RPH3AL: variants seen among roughly 807,000 people sequenced by gnomAD.
The protein encoded by RPH3AL is rab effector Noc2.
RPH3AL carries 38 observed loss-of-function variants against 43.1 expected under a neutral mutation model. The observed-to-expected ratio is 0.88, with a 90% CI of 0.68 to 1.15. The LOEUF is 1.15. Among genes scored for constraint, RPH3AL ranks in the 50% most tolerant of loss-of-function variants. The pLI is 0.00. For synonymous variants in RPH3AL, 189 were observed against 176.3 expected, an observed-to-expected ratio of 1.07 and a Z score of -0.57; for missense variants, 462 against 423.2, an observed-to-expected ratio of 1.09 and a Z score of -0.81.
chr17:242,570 G>GATT (rs2041578374), intron 7 of RPH3AL, among the ~76,000 whole-genome samples: 1 of 115,432 alleles, frequency 8.7e-6, no homozygotes, highest in Non-Finnish European at 1.8e-5. Context: ...TTCCTCTATT[G>GATT]ACTACCTTCC....
intron 6 of RPH3AL, among the ~76,000 whole-genome samples, chr17:267,982 G>T (rs950005695): frequency 6.6e-6 from 1 of 152,200 alleles, no homozygotes; most frequent in African/African-American, 2.4e-5. Context: ...GGTGCTGGAT[G>T]TGAGAAGCTC....
intron 7 of RPH3AL, among the ~76,000 whole-genome samples, chr17:235,035 G>A (rs946447570): frequency 5.9e-5 from 9 of 152,218 alleles, no homozygotes; most frequent in Admixed American, 3.9e-4. Context: ...ACGGAAAAAC[G>A]GCAGCCACAG....
intron 5 of RPH3AL, among the ~76,000 whole-genome samples, chr17:300,645 G>A (rs1320080169): frequency 7.2e-6 from 1 of 138,760 alleles, no homozygotes; most frequent in Non-Finnish European, 1.5e-5. Flanking sequence ...ACTCTAGAAG[G>A]GGCTGGCCCA....
At chr17:259,785 A>G (rs2042157169) in intron 6 of RPH3AL, among the ~76,000 whole-genome samples, 2 of 152,242 alleles carry the variant, frequency 1.3e-5, no homozygotes, top group African/African-American at 4.8e-5. Flanking sequence ...CTCCGCTTCC[A>G]GGTTTGCATT....
Position 213,971 on chromosome 17 carries a change from C to A in RPH3AL, c.877-48G>T, listed in dbSNP as rs375170341. 7.7e-6 allele frequency: 11 copies of A among 1,426,228 alleles called. No homozygotes were observed. In the African/African-American group the frequency reaches 9.9e-5, roughly 13 times the overall value. The allele number at this position is 1,426,228 out of a possible 1,614,324, so 88.3% of individuals were successfully genotyped here. A position where few individuals can be genotyped will look rare whatever the true frequency, so the allele number is the denominator to read the frequency against. ...CCACATGGTGAGCAGCGGTGGAGTCCCTCCCTCCCCGGTGACAGCTCGGCC... is the reference window on the plus strand; with the variant it reads ...CCACATGGTGAGCAGCGGTGGAGTCACTCCCTCCCCGGTGACAGCTCGGCC... On this transcript the variant is annotated intron_variant, in intron 9 of 9. Transcript: ENST00000331302.
Position 346,724 on chromosome 17 carries a change from T to G in RPH3AL, c.-213+5988A>C. 1.5e-5 allele frequency among the ~76,000 whole-genome samples: 2 copies of G among 135,440 alleles called. 1 individual carries two copies. Among genetic ancestry groups the G allele is most frequent in the African/African-American group, 5.1e-5 (2 of 39,388 alleles). The allele number at this position is 135,440 out of a possible 152,430, so 88.9% of individuals were successfully genotyped here. A position where few individuals can be genotyped will look rare whatever the true frequency, so the allele number is the denominator to read the frequency against. The stretch of plus-strand genomic sequence containing the variant: ...GATAAGTCAGAGACAATAAATAAGA[T>G]TATAAATAGAAAAACACTATTTTGT... On this transcript the variant is annotated intron_variant, in intron 1 of 9. Coordinates refer to ENST00000331302, the MANE Select transcript of RPH3AL (RefSeq NM_006987.4).
Position 274,169 on chromosome 17 carries a change from C to T in RPH3AL, c.438+7599G>A, listed in dbSNP as rs1004921879. Among the ~76,000 whole-genome samples the T allele has an allele frequency of 2.0e-5, 3 of 152,348 alleles. No homozygotes were observed. Among genetic ancestry groups the T allele is most frequent in the East Asian group, 1.9e-4 (1 of 5,190 alleles). On this transcript the variant is annotated intron_variant, in intron 6 of 9. Coordinates refer to ENST00000331302, the MANE Select transcript of RPH3AL (RefSeq NM_006987.4). The surrounding 1 kb of genome is among the most constrained non-coding windows in gnomAD (Gnocchi z 4.7). ...TCCTGTGCTTAGAAGCCGCCAGGGC[C>T]GTTCCTCCCAGCCCCAACTAACGCA... is the stretch of plus-strand genomic sequence containing the variant.
intron 5 of RPH3AL, among the ~76,000 whole-genome samples, chr17:314,278 T>G (rs895340913): frequency 6.6e-6 from 1 of 152,154 alleles, no homozygotes; most frequent in South Asian, 2.1e-4. Flanking sequence ...CACAGGCCCC[T>G]ATACCTGGAA....
chr17:244,958 G>A (rs755662430), intron 7 of RPH3AL, among the ~76,000 whole-genome samples: 7 of 152,200 alleles, frequency 4.6e-5, no homozygotes, highest in Non-Finnish European at 8.8e-5. Flanking sequence ...GCATGTGTGT[G>A]TGAGCTTGTG....
intron 6 of RPH3AL, among the ~76,000 whole-genome samples, chr17:253,672 G>A (rs1052780217): frequency 7.5e-6 from 1 of 134,054 alleles, no homozygotes; most frequent in East Asian, 2.1e-4. Flanking sequence ...CTGTCCCTAG[G>A]AACGTTACTA....
intron 6 of RPH3AL, among the ~76,000 whole-genome samples, chr17:273,785 G>A (rs180923816): frequency 4.2e-4 from 64 of 152,338 alleles, no homozygotes; most frequent in Middle Eastern, 3.4e-3. Flanking sequence ...GCTGTGGCCC[G>A]TGGCTGCCGG....
chr17:289,886 G>C lies in RPH3AL; in HGVS notation c.352-8032C>G, dbSNP rs1267762240. Among the ~76,000 whole-genome samples, 1 of 152,210 alleles carries C rather than the reference G, an allele frequency of 6.6e-6. No homozygotes were observed. Among genetic ancestry groups the C allele is most frequent in the African/African-American group, 2.4e-5 (1 of 41,452 alleles). ...ACTCCTTCCACAATGAGAGCCTCCA[G>C]AATGGGCTCCTGCCTCTTCTCCGCT... On this transcript the variant is annotated intron_variant, in intron 5 of 9. Coordinates refer to ENST00000331302, the MANE Select transcript of RPH3AL (RefSeq NM_006987.4). This position sits in a 1 kb window ranked among gnomAD's most constrained non-coding sequence, Gnocchi z 5.2.
chr17:323,246 C>A lies in RPH3AL; in HGVS notation c.78-1831G>T, dbSNP rs1369629222. 6.8e-6 allele frequency among the ~76,000 whole-genome samples: 1 copy of A among 147,182 alleles called. No individual in the cohort carries two copies. Among genetic ancestry groups the A allele is most frequent in the African/African-American group, 2.7e-5 (1 of 37,670 alleles). ...TTCAGGGATCCATACTTCTACACTG[C>A]CGGTTTTTCCAATTTAAAAAAAAAA... On this transcript the variant is annotated intron_variant, in intron 3 of 9. Coordinates refer to ENST00000331302, the MANE Select transcript of RPH3AL (RefSeq NM_006987.4). The surrounding 1 kb of genome is among the most constrained non-coding windows in gnomAD (Gnocchi z 4.4).
At chr17:273,021 G>GGTGAGACCCCAGC (rs2042536191) in intron 6 of RPH3AL, among the ~76,000 whole-genome samples, 1 of 119,676 alleles carries the variant, frequency 8.4e-6, no homozygotes, top group Admixed American at 8.0e-5. Flanking sequence ...GCGACATCAG[G>GGTGAGACCCCAGC]AAGAGACCCC....
intron 6 of RPH3AL, among the ~76,000 whole-genome samples, chr17:263,525 C>T (rs1290996035): frequency 1.3e-5 from 2 of 152,212 alleles, no homozygotes; most frequent in Non-Finnish European, 1.5e-5. Flanking sequence ...CTCTTCCGAA[C>T]AATTTGATTT....
intron 4 of RPH3AL, among the ~76,000 whole-genome samples, chr17:320,832 C>T (rs148539444): frequency 3.3e-5 from 5 of 152,320 alleles, no homozygotes; most frequent in East Asian, 1.9e-4. Context: ...GAGCTGTGGT[C>T]GGCGCTGGAG....
chr17:240,972 G>T (rs34932303), intron 7 of RPH3AL, among the ~76,000 whole-genome samples: 20,106 of 151,636 alleles, frequency 0.13, 1,403 homozygotes, highest in South Asian at 0.18. Context: ...CAGGAGAATT[G>T]CTTGAACCCA....
chr17:350,281 A>G (rs1194614225), intron 1 of RPH3AL, among the ~76,000 whole-genome samples: 1 of 152,140 alleles, frequency 6.6e-6, no homozygotes, highest in East Asian at 1.9e-4. Context: ...CATTGAGACC[A>G]GCCTGGCCAA....
chr17:314,461 C>A (rs1209325582), intron 5 of RPH3AL, among the ~76,000 whole-genome samples: 2 of 147,296 alleles, frequency 1.4e-5, no homozygotes, highest in African/African-American at 4.9e-5. Context: ...GACCTGTAGT[C>A]TCTATGCCCC....
Sources: gnomAD v4.1 joint callset for allele counts (sites outside exome capture counted in the v4.1 genomes callset) on GRCh38, gnomAD v4.1.1 for gene constraint, Gnocchi (gnomAD v3.1) non-coding constraint, MANE v1.5 for transcripts, NCBI Gene and HGNC (gene_info 2026-07-23, HGNC 2026-07-21) for gene names.